Variants in DGKI observed in about 807,000 individuals in gnomAD.
DGKI encodes diacylglycerol kinase iota.
A neutral mutation model predicts 147.5 loss-of-function variants in DGKI; 55 were observed. That is an observed-to-expected ratio of 0.37 (90% CI 0.30 to 0.47). The LOEUF is 0.47. DGKI is among the 20% of genes least tolerant of loss of function. The probability of loss-of-function intolerance (pLI) is 1.00; values close to 1 mark genes in which losing one functional copy is unlikely to be tolerated. For synonymous variants in DGKI, 469 were observed against 477.1 expected (o/e 0.98, Z 0.22); for missense variants, 1,007 against 1,323.8 (o/e 0.76, Z 3.71).
chr7:137,583,800 C>G (rs1819288603), intron 14 of DGKI, among the ~76,000 whole-genome samples: 1 of 151,986 alleles, frequency 6.6e-6, no homozygotes, highest in African/African-American at 2.4e-5. Context: ...TTCTATAAGT[C>G]AAACACATTA....
intron 1 of DGKI, among the ~76,000 whole-genome samples, chr7:137,795,855 G>C (rs1210579296): frequency 6.6e-6 from 1 of 152,190 alleles, no homozygotes. Context: ...TTGAGGAAAT[G>C]TCTGTCCAAT....
chr7:137,699,342 GTAAA>G (rs942447645), intron 1 of DGKI, among the ~76,000 whole-genome samples: 61 of 152,332 alleles, frequency 4.0e-4, no homozygotes, highest in African/African-American at 1.4e-3. Flanking sequence ...CTGGTATGGG[GTAAA>G]TAAAGAGCAT....
At chr7:137,713,969 C>T (rs1249590276) in intron 1 of DGKI, among the ~76,000 whole-genome samples, 1 of 152,198 alleles carries the variant, frequency 6.6e-6, no homozygotes, top group Non-Finnish European at 1.5e-5. Context: ...GGGATATTTT[C>T]TTACCACCAA....
intron 3 of DGKI, among the ~76,000 whole-genome samples, chr7:137,673,073 C>T (rs913620852): frequency 6.6e-6 from 1 of 151,300 alleles, no homozygotes; most frequent in Non-Finnish European, 1.5e-5. Context: ...TGAGCCACCG[C>T]GCCCAGCGTG....
intron 1 of DGKI, among the ~76,000 whole-genome samples, chr7:137,692,512 A>T (rs1457191241): frequency 2.6e-5 from 4 of 152,218 alleles, no homozygotes; most frequent in Admixed American, 2.0e-4. Context: ...CGCTACTGTC[A>T]GGCACCAGTA....
chr7:137,526,890 C>A (rs1458544658), intron 20 of DGKI, among the ~76,000 whole-genome samples: 1 of 152,116 alleles, frequency 6.6e-6, no homozygotes, highest in African/African-American at 2.4e-5. Context: ...CTCATCCAAT[C>A]TCCCACCCAG....
chr7:137,452,217 G>A (rs1426447619), intron 27 of DGKI, among the ~76,000 whole-genome samples: 1 of 152,174 alleles, frequency 6.6e-6, no homozygotes, highest in Non-Finnish European at 1.5e-5. Flanking sequence ...TGCAGGACAG[G>A]TGTGACAGCA....
intron 3 of DGKI, among the ~76,000 whole-genome samples, chr7:137,663,913 C>G (rs368964003): frequency 7.1e-5 from 10 of 140,770 alleles, no homozygotes; most frequent in African/African-American, 3.3e-4. Flanking sequence ...GCTCCCTCCC[C>G]ACTTAACCCT....
chr7:137,593,056 G>T (rs955329278), intron 12 of DGKI, among the ~76,000 whole-genome samples: 1 of 152,172 alleles, frequency 6.6e-6, no homozygotes, highest in Non-Finnish European at 1.5e-5. Flanking sequence ...GTGAGTCAGG[G>T]CATGGGGATG....
intron 3 of DGKI, among the ~76,000 whole-genome samples, chr7:137,674,173 A>G (rs148079339): frequency 2.1e-3 from 316 of 152,348 alleles, no homozygotes; most frequent in Middle Eastern, 6.8e-3. Context: ...CCAATTTGGG[A>G]ACAAATTTAA....
chr7:137,648,936 G>A (rs373997711), intron 5 of DGKI, among the ~76,000 whole-genome samples: 12 of 152,090 alleles, frequency 7.9e-5, no homozygotes, highest in African/African-American at 1.9e-4. Context: ...AAAATAAGCC[G>A]AAAACTAAGG....
chr7:137,411,420 G>A (rs2128900866), intron 29 of DGKI, among the ~76,000 whole-genome samples: 1 of 152,212 alleles, frequency 6.6e-6, no homozygotes, highest in Admixed American at 6.5e-5. Flanking sequence ...ACATTTTAGA[G>A]CCCCTTCCAT....
At chr7:137,685,648 T>C (rs1823390619) in intron 2 of DGKI, among the ~76,000 whole-genome samples, 1 of 152,150 alleles carries the variant, frequency 6.6e-6, no homozygotes, top group African/African-American at 2.4e-5. Flanking sequence ...TTCTAGTAAT[T>C]TAACTTGTTT....
intron 1 of DGKI, among the ~76,000 whole-genome samples, chr7:137,796,185 G>T (rs1434595741): frequency 6.6e-6 from 1 of 152,190 alleles, no homozygotes; most frequent in Non-Finnish European, 1.5e-5. Context: ...AGATATTGGG[G>T]TTACACAAAG....
chr7:137,688,042 A>G (rs1366201554), intron 2 of DGKI, among the ~76,000 whole-genome samples: 1 of 152,220 alleles, frequency 6.6e-6, no homozygotes, highest in Non-Finnish European at 1.5e-5. Context: ...GGAATCAGAA[A>G]ATAATACCTT....
intron 1 of DGKI, among the ~76,000 whole-genome samples, chr7:137,747,910 G>T (rs1212627559): frequency 1.3e-5 from 2 of 152,168 alleles, no homozygotes; most frequent in Admixed American, 1.3e-4. Context: ...TCCAGGACTT[G>T]TTATGGCAAC....
chr7:137,720,379 C>T (rs1161313191), intron 1 of DGKI, among the ~76,000 whole-genome samples: 4 of 151,490 alleles, frequency 2.6e-5, no homozygotes, highest in Non-Finnish European at 2.9e-5. Flanking sequence ...TGCCTCAGCC[C>T]CCCGAGTGGC....
In DGKI at chr7:137,665,931, G is replaced by T. The variant is rs116657722; in HGVS notation, c.607-9391C>A. ...CTCTTCCTGAGAAGCAGCCAATCGG[G>T]GCTCATAGGAGAAACAATTTGGTAA... On this transcript the variant is annotated intron_variant, in intron 3 of 32. Coordinates refer to ENST00000614521, the MANE Select transcript of DGKI (RefSeq NM_001321708.2). 4.5e-3 allele frequency among the ~76,000 whole-genome samples: 678 copies of T among 152,266 alleles called. 4 individuals carry two copies. Among genetic ancestry groups the T allele is most frequent in the African/African-American group, 0.015 (639 of 41,562 alleles).
At chr7:137,408,116 G>A (rs1253139173) in intron 29 of DGKI, 121 bp from the exon 30 acceptor site, 5 of 1,222,076 alleles carry the variant, frequency 4.1e-6, no homozygotes, top group Admixed American at 4.9e-5. Context: ...AGAGGACATA[G>A]AGAAAAGTCA....
Sources: allele counts gnomAD v4.1 joint callset (sites outside exome capture counted in the v4.1 genomes callset), GRCh38; gene constraint gnomAD v4.1.1; transcripts MANE v1.5; gene names NCBI Gene and HGNC (gene_info 2026-07-23, HGNC 2026-07-21).